The following RNF128 variants were observed in gnomAD, a reference collection of about 807,000 sequenced individuals.
The protein encoded by RNF128 is E3 ubiquitin-protein ligase RNF128.
A neutral mutation model predicts 26.2 loss-of-function variants in RNF128; 13 were observed. That is an observed-to-expected ratio of 0.50 (90% CI 0.32 to 0.79). RNF128 has a LOEUF of 0.79. Ranked by LOEUF, RNF128 falls within the 30% of genes least tolerant of loss-of-function variation. The pLI is 0.03. For synonymous variants in RNF128, 149 were observed against 142.5 expected (o/e 1.05, Z -0.32); for missense variants, 315 against 349.7 (o/e 0.90, Z 0.79).
intron 1 of RNF128, among the ~76,000 whole-genome samples, chrX:106,749,928 G>A (rs1021075546): frequency 1.8e-5 from 2 of 111,526 alleles, no homozygotes; most frequent in East Asian, 5.6e-4. Context: ...AGGAAATTAG[G>A]TATGCACAAG....
chrX:106,738,274 A>G (rs1222448709), intron 1 of RNF128, among the ~76,000 whole-genome samples: 1 of 111,180 alleles, frequency 9.0e-6, no homozygotes, highest in African/African-American at 3.3e-5. Flanking sequence ...TAATACCTAC[A>G]TTTTCCATGA....
At chrX:106,748,506 A>G (rs1929824863) in intron 1 of RNF128, among the ~76,000 whole-genome samples, 1 of 112,068 alleles carries the variant, frequency 8.9e-6, no homozygotes, top group Admixed American at 9.5e-5. Flanking sequence ...CACTATTTAC[A>G]ATAGCCAAGA....
intron 2 of RNF128, among the ~76,000 whole-genome samples, 191 bp from the exon 3 acceptor site, chrX:106,784,874 C>T (rs1345416292): frequency 9.0e-6 from 1 of 111,498 alleles, no homozygotes; most frequent in Non-Finnish European, 1.9e-5. Flanking sequence ...TAAAAAGTCT[C>T]AGTAACTTGG....
chrX:106,728,084 T>G (rs2147668614), intron 1 of RNF128, among the ~76,000 whole-genome samples: 1 of 111,412 alleles, frequency 9.0e-6, no homozygotes, highest in East Asian at 2.8e-4. Flanking sequence ...GCCTAGACTT[T>G]GGAAAAAAAA....
chrX:106,734,029 AGATAT>A (rs1929546950), intron 1 of RNF128, among the ~76,000 whole-genome samples: 1 of 111,990 alleles, frequency 8.9e-6, no homozygotes, highest in Non-Finnish European at 1.9e-5. Flanking sequence ...CTCTGTATAT[AGATAT>A]ATTATTTAAA....
At chrX:106,748,261 G>C (rs1413267718) in intron 1 of RNF128, among the ~76,000 whole-genome samples, 2 of 111,792 alleles carry the variant, frequency 1.8e-5, no homozygotes, top group African/African-American at 3.2e-5. Flanking sequence ...TCAACATTTT[G>C]AGAAAAAAAC....
intron 1 of RNF128, among the ~76,000 whole-genome samples, chrX:106,741,385 T>C (rs1031411687): frequency 1.8e-5 from 2 of 111,331 alleles, no homozygotes; most frequent in Non-Finnish European, 3.8e-5. Flanking sequence ...ATGGCATGTG[T>C]ACCAGCATCT....
chrX:106,777,269 T>C (rs1930482304), intron 2 of RNF128, among the ~76,000 whole-genome samples: 1 of 112,089 alleles, frequency 8.9e-6, no homozygotes, highest in Admixed American at 9.5e-5. Context: ...TTCATTACTA[T>C]ATTAAATTGC....
chrX:106,771,151 T>C (rs1365803311), intron 1 of RNF128, among the ~76,000 whole-genome samples: 1 of 112,236 alleles, frequency 8.9e-6, no homozygotes, highest in East Asian at 2.8e-4. Flanking sequence ...CTGTATGAGG[T>C]GTCAGTCGGC....
chrX:106,786,771 C>T (rs1038473074), intron 3 of RNF128, among the ~76,000 whole-genome samples: 7 of 110,478 alleles, frequency 6.3e-5, no homozygotes, highest in African/African-American at 2.3e-4. Flanking sequence ...ATACAAACAA[C>T]CTAATAGAAA....
intron 1 of RNF128, among the ~76,000 whole-genome samples, chrX:106,755,277 G>A: frequency 9.0e-6 from 1 of 111,448 alleles, no homozygotes; most frequent in Non-Finnish European, 1.9e-5. Context: ...TAGTCCCCCA[G>A]TAAAGAAAAA....
rs759982392 is a variant in RNF128, at chrX:106,706,990, C to T, written c.406+12582C>T. Among the ~76,000 whole-genome samples the T allele has an allele frequency of 3.6e-5, 4 of 111,768 alleles. No individual in the cohort carries two copies. In the East Asian group the frequency reaches 8.4e-4, roughly 24 times the overall value. ...TTGTCCTACAAGAAGTCTTTTTTGG[C>T]TAACAGTTTATCCTGATATTTCCTT... On this transcript the variant is annotated intron_variant, in intron 1 of 6. Transcript: ENST00000324342.
chrX:106,761,634 T>G (rs1200394842), intron 1 of RNF128, among the ~76,000 whole-genome samples: 1 of 111,020 alleles, frequency 9.0e-6, no homozygotes, highest in Admixed American at 9.6e-5. Flanking sequence ...ATCTCATGAG[T>G]ACTCAGATAC....
intron 6 of RNF128, among the ~76,000 whole-genome samples, chrX:106,793,106 C>T (rs775395669): frequency 2.3e-4 from 25 of 111,029 alleles, no homozygotes; most frequent in African/African-American, 4.6e-4. Context: ...CTTATTAAAA[C>T]GGAAAGGTCA....
At chrX:106,694,008 C>T (rs753261320) in exon 1 of RNF128, 17 of 1,189,119 alleles carry the variant, frequency 1.4e-5, no homozygotes, top group Non-Finnish European at 1.9e-5. Flanking sequence ...GAGCAATGAA[C>T]CAGGAGAATA....
At chrX:106,773,971 C>A (rs1266126241) in intron 2 of RNF128, among the ~76,000 whole-genome samples, 2 of 111,219 alleles carry the variant, frequency 1.8e-5, no homozygotes, top group Admixed American at 9.6e-5. Context: ...AAAAACAAAT[C>A]CAACCCTGGT....
intron 1 of RNF128, among the ~76,000 whole-genome samples, chrX:106,769,079 CA>C (rs1930313396): frequency 2.7e-5 from 3 of 111,670 alleles, no homozygotes; most frequent in Non-Finnish European, 5.7e-5. Context: ...TGATCTGAGA[CA>C]GTTTGTTATA....
rs1017987846 is a variant in RNF128 at position 106,795,993 on chromosome X, T to G, written c.*280T>G. The G allele has an allele frequency of 4.6e-5, 7 of 150,584 alleles. No homozygotes were observed. Among genetic ancestry groups the G allele is most frequent in the Admixed American group, 1.7e-4 (2 of 11,853 alleles). 12.4% of individuals were successfully genotyped at this position (150,584 alleles called of 1,213,427 possible). On this transcript the variant is annotated 3_prime_UTR_variant, in exon 7 of 7. Coordinates refer to ENST00000255499, the MANE Select transcript of RNF128 (RefSeq NM_194463.2). ...TGTCTTCAAGAAGTCACGTTTTTCA[T>G]TTATAACAATTTTCTTATAAAAACA... is the stretch of plus-strand genomic sequence containing the variant.
chrX:106,786,895 A>G (rs1483209510), intron 3 of RNF128, among the ~76,000 whole-genome samples: 1 of 111,898 alleles, frequency 8.9e-6, no homozygotes, highest in Non-Finnish European at 1.9e-5. Flanking sequence ...TAAAGCCACA[A>G]TGAAATACAA....
Sources: allele counts gnomAD v4.1 joint callset (sites outside exome capture counted in the v4.1 genomes callset), GRCh38; gene constraint gnomAD v4.1.1; transcripts MANE v1.5; gene names NCBI Gene and HGNC (gene_info 2026-07-23, HGNC 2026-07-21).